The following CADPS2 variants were observed in gnomAD, a reference collection of about 807,000 sequenced individuals.
CADPS2 encodes the protein calcium dependent secretion activator 2, also known as calcium-dependent secretion activator 2.
In CADPS2, 93 loss-of-function variants were observed where a neutral mutation model predicts 172.5. That is an observed-to-expected ratio of 0.54 (90% CI 0.46 to 0.64). CADPS2 has a LOEUF of 0.64. Ranked by LOEUF, CADPS2 falls within the 30% of genes least tolerant of loss-of-function variation. The probability of loss-of-function intolerance (pLI) is 0.00; values close to 1 mark genes in which losing one functional copy is unlikely to be tolerated. For synonymous variants in CADPS2, 546 were observed against 555.2 expected, an observed-to-expected ratio of 0.98 and a Z score of 0.23; for missense variants, 1,420 against 1,565.9, an observed-to-expected ratio of 0.91 and a Z score of 1.57.
At chr7:122,700,442 G>A (rs991929710) in intron 2 of CADPS2, among the ~76,000 whole-genome samples, 3 of 152,048 alleles carry the variant, frequency 2.0e-5, no homozygotes, top group Non-Finnish European at 2.9e-5. Flanking sequence ...CCATTAATCC[G>A]ATTTTATTTT....
intron 3 of CADPS2, among the ~76,000 whole-genome samples, chr7:122,650,146 G>C (rs911047541): frequency 1.3e-5 from 2 of 151,604 alleles, no homozygotes; most frequent in African/African-American, 4.8e-5. Context: ...CCGACCTCAA[G>C]TGATCCACCC....
chr7:122,518,316 A>T (rs2060526843), intron 8 of CADPS2, among the ~76,000 whole-genome samples: 2 of 152,134 alleles, frequency 1.3e-5, no homozygotes, highest in Non-Finnish European at 2.9e-5. Context: ...AAATTATAAT[A>T]ACTACATAAT....
chr7:122,654,476 G>A (rs989051982), intron 3 of CADPS2, among the ~76,000 whole-genome samples: 1 of 152,170 alleles, frequency 6.6e-6, no homozygotes, highest in African/African-American at 2.4e-5. Flanking sequence ...TTACTATTCT[G>A]AAAACATGAG....
chr7:122,321,487 CTTTTTTTTG>C (rs2032508528), intron 29 of CADPS2, among the ~76,000 whole-genome samples: 1 of 151,540 alleles, frequency 6.6e-6, no homozygotes, highest in Admixed American at 6.6e-5. Context: ...TTTTTCTTTT[CTTTTTTTTG>C]TTTTTATTTT....
chr7:122,725,669 C>G (rs543512530), intron 2 of CADPS2, among the ~76,000 whole-genome samples: 1 of 151,480 alleles, frequency 6.6e-6, no homozygotes, highest in Non-Finnish European at 1.5e-5. Flanking sequence ...TAGTTCACGC[C>G]TATAATCCCA....
intron 2 of CADPS2, among the ~76,000 whole-genome samples, chr7:122,671,365 T>C (rs926892425): frequency 6.6e-6 from 1 of 152,180 alleles, no homozygotes; most frequent in African/African-American, 2.4e-5. Flanking sequence ...TGCACATGTA[T>C]AATTTAAATA....
intron 19 of CADPS2, among the ~76,000 whole-genome samples, chr7:122,413,421 T>C (rs1245499198): frequency 1.3e-5 from 2 of 152,118 alleles, no homozygotes; most frequent in Non-Finnish European, 2.9e-5. Context: ...CCTGGTAAGG[T>C]ACTGTCAAAG....
At chr7:122,699,334 T>C (rs991867052) in intron 2 of CADPS2, among the ~76,000 whole-genome samples, 3 of 152,118 alleles carry the variant, frequency 2.0e-5, no homozygotes, top group Non-Finnish European at 4.4e-5. Flanking sequence ...AAACTAAAAA[T>C]TAAATCTAAA....
intron 11 of CADPS2, among the ~76,000 whole-genome samples, chr7:122,483,521 T>C (rs903536977): frequency 1.3e-5 from 2 of 152,088 alleles, no homozygotes; most frequent in Non-Finnish European, 2.9e-5. Context: ...TGAAAGGCAC[T>C]GGAAATGGTA....
At chr7:122,866,354 C>T (rs1818318075) in intron 1 of CADPS2, among the ~76,000 whole-genome samples, 1 of 152,172 alleles carries the variant, frequency 6.6e-6, no homozygotes, top group African/African-American at 2.4e-5. Context: ...CCCCTACAAT[C>T]TATTCTCAAG....
chr7:122,389,503 A>G (rs980006556), intron 22 of CADPS2, among the ~76,000 whole-genome samples: 2 of 151,996 alleles, frequency 1.3e-5, no homozygotes, highest in Non-Finnish European at 2.9e-5. Flanking sequence ...GATAACTTAT[A>G]GAAGAGTTAC....
chr7:122,701,553 C>A, intron 2 of CADPS2: 1 of 185,326 alleles, frequency 5.4e-6, no homozygotes, highest in Non-Finnish European at 1.1e-5. Flanking sequence ...AACTAACCTG[C>A]ACGTTGTGCC....
intron 4 of CADPS2, among the ~76,000 whole-genome samples, chr7:122,624,040 A>G (rs1423853043): frequency 2.0e-5 from 3 of 152,210 alleles, no homozygotes; most frequent in African/African-American, 7.2e-5. Context: ...CAAACATTTC[A>G]GGGACTAGAC....
intron 2 of CADPS2, among the ~76,000 whole-genome samples, chr7:122,683,959 A>C (rs1159404652): frequency 6.6e-6 from 1 of 152,116 alleles, no homozygotes; most frequent in Admixed American, 6.6e-5. Context: ...ATCCTCTACA[A>C]GGTGCTTGCC....
At chr7:122,327,663 T>C (rs971770328) in intron 28 of CADPS2, among the ~76,000 whole-genome samples, 1 of 152,006 alleles carries the variant, frequency 6.6e-6, no homozygotes, top group African/African-American at 2.4e-5. Context: ...AAAATGGTAC[T>C]TATAATTAAG....
chr7:122,658,959 T>C (rs1008828639), intron 3 of CADPS2, among the ~76,000 whole-genome samples: 6 of 151,666 alleles, frequency 4.0e-5, no homozygotes, highest in African/African-American at 1.5e-4. Flanking sequence ...CAAGAAACAC[T>C]AAACATTAAG....
chr7:122,674,295 G>A (rs1217299452), intron 2 of CADPS2, among the ~76,000 whole-genome samples: 2 of 152,240 alleles, frequency 1.3e-5, no homozygotes, highest in Non-Finnish European at 2.9e-5. Context: ...GCGGTGGGCT[G>A]AAGGGCTCCT....
intron 17 of CADPS2, among the ~76,000 whole-genome samples, chr7:122,433,425 T>G (rs2050225523): frequency 6.8e-6 from 1 of 146,504 alleles, no homozygotes; most frequent in African/African-American, 2.5e-5. Context: ...TTTTTTGAGA[T>G]GGAGTTTTGC....
intron 3 of CADPS2, among the ~76,000 whole-genome samples, chr7:122,653,210 A>G (rs2079366489): frequency 6.6e-6 from 1 of 152,206 alleles, no homozygotes; most frequent in Non-Finnish European, 1.5e-5. Context: ...CTCTTAAGCA[A>G]GCAACATCTT....
Sources: gnomAD v4.1 joint callset for allele counts (sites outside exome capture counted in the v4.1 genomes callset) on GRCh38, gnomAD v4.1.1 for gene constraint, MANE v1.5 for transcripts, NCBI Gene and HGNC (gene_info 2026-07-23, HGNC 2026-07-21) for gene names.